Variants in PDE10A observed in about 807,000 individuals in gnomAD.
The protein encoded by PDE10A is phosphodiesterase 10A.
PDE10A carries 39 observed loss-of-function variants against 97.7 expected under a neutral mutation model. That is an observed-to-expected ratio of 0.40 (90% CI 0.31 to 0.52). The LOEUF is 0.52. Among genes scored for constraint, PDE10A ranks in the 20% least tolerant of loss-of-function variants. The pLI is 0.56. For missense variants in PDE10A, 731 were observed against 1,047.8 expected (o/e 0.70, Z 4.17); for synonymous variants, 371 against 376.8 (o/e 0.98, Z 0.18).
intron 1 of PDE10A, among the ~76,000 whole-genome samples, chr6:165,590,645 C>T (rs1484420027): frequency 2.6e-5 from 4 of 152,116 alleles, no homozygotes; most frequent in South Asian, 4.1e-4. Context: ...TAATCTCAGC[C>T]GTTTGCGAGG....
At chr6:165,863,519 C>T (rs1373502997) in intron 1 of PDE10A, among the ~76,000 whole-genome samples, 1 of 152,152 alleles carries the variant, frequency 6.6e-6, no homozygotes, top group East Asian at 1.9e-4. Flanking sequence ...CAAAATATAC[C>T]AACCACCTAA....
chr6:165,723,473 T>A (rs1792215219), intron 1 of PDE10A, among the ~76,000 whole-genome samples: 1 of 152,218 alleles, frequency 6.6e-6, no homozygotes, highest in African/African-American at 2.4e-5. Context: ...TGAAACCCGG[T>A]GTGTGACACC....
At chr6:165,935,115 A>G (rs1412457513) in intron 1 of PDE10A, among the ~76,000 whole-genome samples, 2 of 152,238 alleles carry the variant, frequency 1.3e-5, no homozygotes, top group East Asian at 1.9e-4. Context: ...AGTGTAATAC[A>G]GTATGGAAAG....
chr6:165,373,631 T>C (rs1784412267), intron 18 of PDE10A, among the ~76,000 whole-genome samples: 1 of 152,122 alleles, frequency 6.6e-6, no homozygotes, highest in African/African-American at 2.4e-5. Flanking sequence ...ACACTGTTGG[T>C]GGGACTGTAA....
At chr6:165,977,337 G>T (rs1398417982) in intron 1 of PDE10A, among the ~76,000 whole-genome samples, 2 of 152,192 alleles carry the variant, frequency 1.3e-5, no homozygotes, top group Admixed American at 1.3e-4. Context: ...TTCTCAAACA[G>T]AAGTAAAGAA....
chr6:165,700,209 A>T (rs55924213), intron 1 of PDE10A, among the ~76,000 whole-genome samples: 1 of 152,170 alleles, frequency 6.6e-6, no homozygotes, highest in Non-Finnish European at 1.5e-5. Context: ...AAGAGACCAC[A>T]TACTGGATGA....
At chr6:165,586,112 G>C (rs994608839) in intron 1 of PDE10A, among the ~76,000 whole-genome samples, 25 of 152,066 alleles carry the variant, frequency 1.6e-4, no homozygotes, top group Non-Finnish European at 2.4e-4. Flanking sequence ...CCCACTCCCT[G>C]CCCCCCTTTT....
intron 1 of PDE10A, among the ~76,000 whole-genome samples, chr6:165,875,746 T>TTTTTTTTTTTTTTTTTTTTTTGTG (rs780504850): frequency 6.8e-6 from 1 of 147,074 alleles, no homozygotes; most frequent in African/African-American, 2.6e-5. Context: ...TTTTTTTTTT[T>TTTTTTTTTTTTTTTTTTTTTTGTG]TGTGTGTGTG....
chr6:165,510,824 T>A (rs889716416), intron 2 of PDE10A, among the ~76,000 whole-genome samples: 1 of 152,098 alleles, frequency 6.6e-6, no homozygotes, highest in African/African-American at 2.4e-5. Context: ...TAGTTGTGCA[T>A]AACAGTTTAT....
chr6:165,527,743 A>C (rs1280833594), intron 2 of PDE10A, among the ~76,000 whole-genome samples: 1 of 152,210 alleles, frequency 6.6e-6, no homozygotes, highest in Admixed American at 6.5e-5. Flanking sequence ...TGAAGGCACA[A>C]GTAAGTTACA....
At chr6:165,676,400 T>G (rs963871303) in intron 1 of PDE10A, among the ~76,000 whole-genome samples, 2 of 152,040 alleles carry the variant, frequency 1.3e-5, no homozygotes, top group South Asian at 4.1e-4. Flanking sequence ...TTTTCAACAG[T>G]AAGAAATATC....
intron 18 of PDE10A, among the ~76,000 whole-genome samples, chr6:165,370,874 A>G (rs1047862350): frequency 1.3e-5 from 2 of 149,724 alleles, no homozygotes; most frequent in African/African-American, 5.0e-5. Context: ...ATTATAACAA[A>G]CTGTCTCTCA....
chr6:165,660,965 C>G (rs1255433385), intron 1 of PDE10A: 1 of 152,552 alleles, frequency 6.6e-6, no homozygotes, highest in Non-Finnish European at 1.5e-5. Context: ...CCTGCTCCCC[C>G]TCCATCCGCG....
chr6:165,400,710 T>C (rs1443866464), intron 13 of PDE10A, among the ~76,000 whole-genome samples: 1 of 152,178 alleles, frequency 6.6e-6, no homozygotes, highest in Non-Finnish European at 1.5e-5. Context: ...ACATAAATCT[T>C]TACCCAAGCG....
intron 10 of PDE10A, among the ~76,000 whole-genome samples, chr6:165,421,390 C>T (rs1788682699): frequency 6.6e-6 from 1 of 152,178 alleles, no homozygotes; most frequent in Non-Finnish European, 1.5e-5. Context: ...CTGCAGTGAG[C>T]CATGACTGAG....
intron 20 of PDE10A, among the ~76,000 whole-genome samples, chr6:165,337,730 A>C (rs553832692): frequency 1.3e-5 from 2 of 152,320 alleles, no homozygotes; most frequent in African/African-American, 4.8e-5. Context: ...AAAACAAACG[A>C]TTATCTTAGT....
At chr6:165,618,065 G>C (rs1787809440) in intron 1 of PDE10A, among the ~76,000 whole-genome samples, 1 of 152,166 alleles carries the variant, frequency 6.6e-6, no homozygotes, top group South Asian at 2.1e-4. Context: ...CAAAGAGGCA[G>C]AGAAGAATCT....
intron 18 of PDE10A, among the ~76,000 whole-genome samples, chr6:165,354,653 C>T (rs1055667769): frequency 3.3e-5 from 5 of 152,130 alleles, no homozygotes; most frequent in African/African-American, 1.2e-4. Context: ...ATAGATGGTG[C>T]CACCTAGGGA....
intron 1 of PDE10A, among the ~76,000 whole-genome samples, chr6:165,641,455 G>A (rs1215582991): frequency 6.6e-6 from 1 of 152,224 alleles, no homozygotes; most frequent in Non-Finnish European, 1.5e-5. Context: ...AAAGGTTGAT[G>A]TCTGAACTAA....
Sources: allele counts gnomAD v4.1 joint callset (sites outside exome capture counted in the v4.1 genomes callset), GRCh38; gene constraint gnomAD v4.1.1; transcripts MANE v1.5; gene names NCBI Gene and HGNC (gene_info 2026-07-23, HGNC 2026-07-21).